Variants in LDB3 observed in about 807,000 individuals in gnomAD.
LDB3 encodes the protein LIM domain-binding protein 3.
A neutral mutation model predicts 69.0 loss-of-function variants in LDB3; 49 were observed. The observed-to-expected ratio is 0.71, with a 90% CI of 0.56 to 0.90. The LOEUF is 0.90. Among genes scored for constraint, LDB3 ranks in the 40% least tolerant of loss-of-function variants. The pLI, the probability that LDB3 is intolerant of heterozygous loss-of-function variation, is 0.00. For missense variants in LDB3, 928 were observed against 974.1 expected, an observed-to-expected ratio of 0.95 and a Z score of 0.63; for synonymous variants, 387 against 396.2, an observed-to-expected ratio of 0.98 and a Z score of 0.28.
chr10:86,710,187 C>T (rs1040050699), intron 9 of LDB3, 137 bp downstream of exon 9: 44 of 1,525,518 alleles, frequency 2.9e-5, no homozygotes, highest in Middle Eastern at 4.4e-4. Flanking sequence ...CTCCGCCCTC[C>T]GTCCCCTAGC....
In LDB3 at chr10:86,699,202, C is replaced by A; in HGVS notation, c.896+6631C>A. On this transcript the variant is annotated intron_variant, in intron 7 of 13. Transcript: ENST00000361373. This position sits in a 1 kb window ranked among gnomAD's most constrained non-coding sequence, Gnocchi z 4.9. The stretch of plus-strand genomic sequence containing the variant: ...AACACATTCCCTAACCCCTTTCATT[C>A]TCCCTCTCTTCTCTCTCTTTCTGTC... The A allele has an allele frequency of 1.3e-6, 2 of 1,553,136 alleles. No individual in the cohort carries two copies. Among genetic ancestry groups the A allele is most frequent in the Non-Finnish European group, 1.8e-6 (2 of 1,131,682 alleles).
At chr10:86,672,102 C>G (rs1218265491) in intron 2 of LDB3, among the ~76,000 whole-genome samples, 1 of 150,372 alleles carries the variant, frequency 6.7e-6, no homozygotes, top group Non-Finnish European at 1.5e-5. Flanking sequence ...CAGAGTGAGA[C>G]TCCATCTTAA....
intron 13 of LDB3, among the ~76,000 whole-genome samples, chr10:86,726,690 T>C (rs1418353366): frequency 1.3e-5 from 2 of 152,182 alleles, no homozygotes; most frequent in Non-Finnish European, 2.9e-5. Context: ...ACTAATCCTA[T>C]GAAAAGCTGA....
At chr10:86,728,366 C>G (rs1847333514) in intron 13 of LDB3, among the ~76,000 whole-genome samples, 1 of 152,112 alleles carries the variant, frequency 6.6e-6, no homozygotes, top group African/African-American at 2.4e-5. Flanking sequence ...TGAGTCACAA[C>G]AGCAAAAGTC....
intron 7 of LDB3, among the ~76,000 whole-genome samples, chr10:86,702,497 C>T (rs990414409): frequency 2.6e-5 from 4 of 152,204 alleles, no homozygotes; most frequent in Non-Finnish European, 4.4e-5. Context: ...GAAAAGGGGA[C>T]GATGGTCAGG....
At position 86,718,086 on chromosome 10, in the gene LDB3, G is replaced by A. The variant is rs747523570; in HGVS notation, c.1799G>A (p.Arg600Gln). Reference sequence around the variant, plus strand: ...GAGCAGAACAACGTTTACTGTGAGCGATGTTATGAGCAATTCTTTGCCCCG... The same window carrying A: ...GAGCAGAACAACGTTTACTGTGAGCAATGTTATGAGCAATTCTTTGCCCCG... ...VEEQNNVYCERCYEQFFAPLC... is the reference protein window; with the variant it reads ...VEEQNNVYCEQCYEQFFAPLC... The change falls in exon 11 of 14, where the codon CGA becomes CAA. Residue 600 changes from arginine to glutamine, a missense_variant. Coordinates refer to ENST00000361373, the MANE Select transcript of LDB3 (RefSeq NM_007078.3). 1.2e-5 allele frequency: 20 copies of A among 1,614,046 alleles called. No individual in the cohort carries two copies. The highest frequency in any genetic ancestry group is 1.6e-4 in the Middle Eastern group (1 of 6,084).
At chr10:86,706,097 C>T (rs1045111828) in intron 7 of LDB3, among the ~76,000 whole-genome samples, 1 of 152,174 alleles carries the variant, frequency 6.6e-6, no homozygotes, top group African/African-American at 2.4e-5. Context: ...CTTCACTCTG[C>T]TTTTTTTGCT....
At chr10:86,706,763 G>A (rs1214021691) in intron 8 of LDB3, 44 bp downstream of exon 8, 3 of 1,563,680 alleles carry the variant, frequency 1.9e-6, no homozygotes, top group Admixed American at 1.9e-5. Context: ...GGGAAGGGAG[G>A]CAGGAAACGC....
chr10:86,699,794 C>G lies in LDB3; in HGVS notation c.897-6737C>G. 1 of 1,051,184 alleles carries G rather than the reference C, an allele frequency of 9.5e-7. No individual in the cohort carries two copies. Among genetic ancestry groups the G allele is most frequent in the East Asian group, 7.6e-5 (1 of 13,138 alleles). The allele number at this position is 1,051,184 out of a possible 1,614,324, so 65.1% of individuals were successfully genotyped here. A position where few individuals can be genotyped will look rare whatever the true frequency, so the allele number is the denominator to read the frequency against. ...CTCCTAGAATGAGTCACCCGTAGAT[C>G]AGGGTCTGGGGAAGAGGCTGATCCC... On this transcript the variant is annotated intron_variant, in intron 7 of 13. Coordinates refer to ENST00000361373, the MANE Select transcript of LDB3 (RefSeq NM_007078.3). The surrounding 1 kb of genome is among the most constrained non-coding windows in gnomAD (Gnocchi z 4.9).
chr10:86,703,912 G>A (rs11202134), intron 7 of LDB3, among the ~76,000 whole-genome samples: 3,477 of 152,144 alleles, frequency 0.023, 62 homozygotes, highest in South Asian at 0.076. Context: ...TCAGGAGTTC[G>A]AGACCAGTCT....
intron 13 of LDB3, among the ~76,000 whole-genome samples, chr10:86,730,160 C>G (rs866653075): frequency 1.3e-5 from 2 of 152,174 alleles, no homozygotes; most frequent in Admixed American, 6.5e-5. Context: ...ACCATCAGAG[C>G]CTTGCACATG....
chr10:86,721,088 G>A (rs2132492351), intron 12 of LDB3, among the ~76,000 whole-genome samples: 1 of 152,314 alleles, frequency 6.6e-6, no homozygotes, highest in Non-Finnish European at 1.5e-5. Flanking sequence ...GGGATTACAG[G>A]CATGAGCCAC....
chr10:86,705,536 CTT>C (rs1248001788), intron 7 of LDB3, among the ~76,000 whole-genome samples: 2 of 152,316 alleles, frequency 1.3e-5, no homozygotes, highest in South Asian at 2.1e-4. Context: ...TCTGACTGCT[CTT>C]GTCTTCCTAG....
intron 5 of LDB3, among the ~76,000 whole-genome samples, chr10:86,684,709 C>T (rs962206721): frequency 1.6e-4 from 25 of 152,206 alleles, no homozygotes; most frequent in Non-Finnish European, 2.9e-4. Flanking sequence ...CCAGGCTGGC[C>T]GGGGCCCAAG....
intron 7 of LDB3, among the ~76,000 whole-genome samples, chr10:86,695,917 T>G (rs111396899): frequency 2.6e-5 from 4 of 152,338 alleles, no homozygotes; most frequent in African/African-American, 9.6e-5. Flanking sequence ...CCCTTACAAG[T>G]GCAGCCTCTG....
chr10:86,723,139 G>A (rs956940222), intron 12 of LDB3, among the ~76,000 whole-genome samples: 7 of 151,590 alleles, frequency 4.6e-5, no homozygotes, highest in African/African-American at 1.5e-4. Context: ...CCGTGGTGGT[G>A]CACACCTGTG....
intron 7 of LDB3, among the ~76,000 whole-genome samples, chr10:86,700,210 C>T (rs1436957403): frequency 6.6e-6 from 1 of 152,162 alleles, no homozygotes; most frequent in African/African-American, 2.4e-5. Flanking sequence ...TGCTCTCCTG[C>T]CCCACAGGTT....
At chr10:86,687,820 T>A (rs1035879660) in intron 5 of LDB3, among the ~76,000 whole-genome samples, 2 of 152,238 alleles carry the variant, frequency 1.3e-5, no homozygotes, top group African/African-American at 4.8e-5. Flanking sequence ...GGCAGTGGCA[T>A]TTAAGACATC....
At chr10:86,691,385 T>A (rs937690878) in intron 5 of LDB3, among the ~76,000 whole-genome samples, 1 of 152,196 alleles carries the variant, frequency 6.6e-6, no homozygotes, top group Non-Finnish European at 1.5e-5. Flanking sequence ...AGAGTCAGCC[T>A]ACTCACACTG....
Sources: allele counts gnomAD v4.1 joint callset (sites outside exome capture counted in the v4.1 genomes callset), GRCh38; gene constraint gnomAD v4.1.1; non-coding constraint Gnocchi (gnomAD v3.1); transcripts MANE v1.5; gene names NCBI Gene and HGNC (gene_info 2026-07-23, HGNC 2026-07-21).